MAF: variants seen among roughly 807,000 people sequenced by gnomAD.
The protein encoded by MAF is MAF bZIP transcription factor.
A neutral mutation model predicts 22.0 loss-of-function variants in MAF; 10 were observed. That is an observed-to-expected ratio of 0.45 (90% confidence interval 0.28 to 0.77). The LOEUF (loss-of-function observed/expected upper bound fraction) is 0.77. MAF is among the 30% of genes least tolerant of loss of function. The pLI, the probability that MAF is intolerant of heterozygous loss-of-function variation, is 0.12. For synonymous variants in MAF, 337 were observed against 255.8 expected (o/e 1.32, Z -3.03); for missense variants, 544 against 548.4 (o/e 0.99, Z 0.08).
chr16:79,331,487 A>G, the MAF span, among the ~76,000 whole-genome samples: 4 of 152,084 alleles, frequency 2.6e-5, no homozygotes, highest in African/African-American at 4.8e-5. Flanking sequence ...GATGTTATGG[A>G]CTTGGTTTCC....
At chr16:79,228,367 G>T in the MAF span, among the ~76,000 whole-genome samples, 1 of 152,036 alleles carries the variant, frequency 6.6e-6, no homozygotes, top group Non-Finnish European at 1.5e-5. Context: ...AGGTGGGTCT[G>T]ATCTCCTAAT....
the MAF span, among the ~76,000 whole-genome samples, chr16:79,561,315 C>CT: frequency 7.9e-4 from 115 of 144,758 alleles, no homozygotes; most frequent in East Asian, 1.2e-3. Flanking sequence ...AGTTTTCTTT[C>CT]TTTTTTTTTT....
At chr16:79,227,701 C>T in the MAF span, among the ~76,000 whole-genome samples, 1 of 150,654 alleles carries the variant, frequency 6.6e-6, no homozygotes. Flanking sequence ...TTTTTTTTTG[C>T]CCATCTCATC....
At chr16:79,526,308 A>G in the MAF span, among the ~76,000 whole-genome samples, 11 of 152,174 alleles carry the variant, frequency 7.2e-5, no homozygotes, top group Non-Finnish European at 1.5e-5. Context: ...AGGAGACCAC[A>G]ACCTAGATTC....
the MAF span, among the ~76,000 whole-genome samples, chr16:79,381,630 C>A: frequency 5.9e-5 from 9 of 152,158 alleles, no homozygotes; most frequent in African/African-American, 1.7e-4. Flanking sequence ...ATGGCTGTCA[C>A]TCTGTCTGGG....
chr16:79,211,897 C>T, the MAF span: 1 of 1,563,446 alleles, frequency 6.4e-7, no homozygotes, highest in Non-Finnish European at 8.6e-7. Flanking sequence ...CAACACAGAT[C>T]CGCAAGAGTA....
chr16:79,460,588 C>A, the MAF span, among the ~76,000 whole-genome samples: 8 of 152,224 alleles, frequency 5.3e-5, no homozygotes, highest in African/African-American at 1.9e-4. Flanking sequence ...TCCATTTGCT[C>A]TTTTGCTTAT....
At chr16:79,588,670 C>T (rs1457765500) in intron 1 of MAF, among the ~76,000 whole-genome samples, 1 of 151,996 alleles carries the variant, frequency 6.6e-6, no homozygotes, top group East Asian at 1.9e-4. Flanking sequence ...CCAGGTTGGC[C>T]AGGCTGGTCT....
At chr16:79,517,432 G>A in the MAF span, among the ~76,000 whole-genome samples, 1 of 152,048 alleles carries the variant, frequency 6.6e-6, no homozygotes, top group Non-Finnish European at 1.5e-5. Context: ...AGAGTAACCT[G>A]GCAGCAAACA....
chr16:79,375,163 G>A, the MAF span, among the ~76,000 whole-genome samples: 9 of 152,192 alleles, frequency 5.9e-5, no homozygotes, highest in Non-Finnish European at 1.2e-4. Flanking sequence ...AAAAGTGGAT[G>A]GCTATTTTCA....
At chr16:79,532,668 T>A in the MAF span, among the ~76,000 whole-genome samples, 1 of 152,210 alleles carries the variant, frequency 6.6e-6, no homozygotes, top group Non-Finnish European at 1.5e-5. Context: ...CATGAAGATA[T>A]GAAATATGCG....
the MAF span, among the ~76,000 whole-genome samples, chr16:79,444,613 T>A: frequency 4.6e-5 from 7 of 152,148 alleles, no homozygotes; most frequent in Admixed American, 4.6e-4. Flanking sequence ...GTGAGAAGAT[T>A]CGGGCCAGTT....
the MAF span, among the ~76,000 whole-genome samples, chr16:79,230,528 A>G: frequency 3.3e-5 from 5 of 152,156 alleles, no homozygotes; most frequent in African/African-American, 1.2e-4. Context: ...AAAACCATGT[A>G]GTACAAAGGA....
At chr16:79,363,859 G>C in the MAF span, among the ~76,000 whole-genome samples, 1 of 152,272 alleles carries the variant, frequency 6.6e-6, no homozygotes, top group Middle Eastern at 3.4e-3. Flanking sequence ...GGGTGAATGG[G>C]TGTGATCTAT....
At chr16:79,480,920 T>C in the MAF span, among the ~76,000 whole-genome samples, 1 of 152,158 alleles carries the variant, frequency 6.6e-6, no homozygotes, top group Admixed American at 6.5e-5. Flanking sequence ...AGGAGATGGG[T>C]GGGCAGTTGT....
chr16:79,477,883 C>A, the MAF span, among the ~76,000 whole-genome samples: 16 of 151,882 alleles, frequency 1.1e-4, no homozygotes, highest in African/African-American at 3.9e-4. Context: ...TGCCACCAGG[C>A]CAGCTAATTT....
At chr16:79,247,684 G>T in the MAF span, among the ~76,000 whole-genome samples, 1 of 152,024 alleles carries the variant, frequency 6.6e-6, no homozygotes, top group African/African-American at 2.4e-5. Flanking sequence ...AGCTGCAGCC[G>T]GAACAAAGGC....
the MAF span, among the ~76,000 whole-genome samples, chr16:79,498,815 A>T: frequency 4.6e-5 from 7 of 152,150 alleles, no homozygotes; most frequent in African/African-American, 1.7e-4. Context: ...AGCTAAGGAT[A>T]CTCTGGTAAT....
At chr16:79,295,882 A>G in the MAF span, among the ~76,000 whole-genome samples, 2 of 152,236 alleles carry the variant, frequency 1.3e-5, no homozygotes, top group Non-Finnish European at 2.9e-5. Context: ...TTCTTTGCCC[A>G]AGGCATTTAG....
Sources: gnomAD v4.1 joint callset for allele counts (sites outside exome capture counted in the v4.1 genomes callset) on GRCh38, gnomAD v4.1.1 for gene constraint, MANE v1.5 for transcripts, NCBI Gene and HGNC (gene_info 2026-07-23, HGNC 2026-07-21) for gene names.